Variants in USP34 observed in about 807,000 individuals in gnomAD.
USP34 encodes ubiquitin carboxyl-terminal hydrolase 34.
In USP34, 70 loss-of-function variants were observed where a neutral mutation model predicts 460.3. The ratio of observed to expected loss-of-function variants is 0.15; its 90% CI spans 0.13 to 0.19. The LOEUF is 0.19. Among genes scored for constraint, USP34 ranks in the 10% least tolerant of loss-of-function variants. The pLI is 1.00. For missense variants in USP34, 3,985 were observed against 4,236.2 expected (o/e 0.94, Z 1.65); for synonymous variants, 1,647 against 1,405.3 (o/e 1.17, Z -3.85).
At chr2:61,292,510 C>G (rs1689888996) in intron 33 of USP34, among the ~76,000 whole-genome samples, 1 of 152,136 alleles carries the variant, frequency 6.6e-6, no homozygotes, top group Admixed American at 6.5e-5. Flanking sequence ...TTTGGCTTCC[C>G]TGGCCACACT....
intron 41 of USP34, among the ~76,000 whole-genome samples, chr2:61,275,657 A>G (rs545952709): frequency 5.3e-5 from 8 of 152,104 alleles, no homozygotes; most frequent in African/African-American, 1.9e-4. Context: ...ACTGAATTTG[A>G]AAATATCTAA....
chr2:61,198,591 C>T (rs2103755946), intron 75 of USP34, among the ~76,000 whole-genome samples: 1 of 148,758 alleles, frequency 6.7e-6, no homozygotes, highest in East Asian at 2.0e-4. Context: ...GAGAAATAGG[C>T]TGGGTGCAGT....
chr2:61,446,841 T>G (rs1428410359), intron 1 of USP34, among the ~76,000 whole-genome samples: 1 of 150,666 alleles, frequency 6.6e-6, no homozygotes, highest in Non-Finnish European at 1.5e-5. Flanking sequence ...ACCCTCTGAG[T>G]AGATACTTTG....
At chr2:61,379,213 A>G (rs1228759630) in intron 7 of USP34, among the ~76,000 whole-genome samples, 2 of 152,184 alleles carry the variant, frequency 1.3e-5, no homozygotes, top group Non-Finnish European at 2.9e-5. Context: ...CTACCAAAAC[A>G]AAACAAAACA....
At chr2:61,439,076 G>C (rs999451135) in intron 1 of USP34, among the ~76,000 whole-genome samples, 1 of 152,110 alleles carries the variant, frequency 6.6e-6, no homozygotes, top group African/African-American at 2.4e-5. Flanking sequence ...ACAATAGCTA[G>C]GAAAAAAGTC....
rs761414589 is a variant in USP34, at chr2:61,300,962, C to G, written c.4117G>C (p.Asp1373His). The change falls in exon 29 of 80, where the codon GAT (aspartate) becomes CAT (histidine). Residue 1373 changes from aspartate to histidine, a missense_variant. Coordinates refer to ENST00000398571, the MANE Select transcript of USP34 (RefSeq NM_014709.4). ...FKPPSGKVAV[D>H]DSESLRCEEL... ...TGAAACATAGTCACCTCACTATCATCCACTGCCACTTTTCCTGAGGGTGGT... is the reference window on the plus strand; with the variant it reads ...TGAAACATAGTCACCTCACTATCATGCACTGCCACTTTTCCTGAGGGTGGT... 6 of 1,610,968 alleles carry G rather than the reference C, an allele frequency of 3.7e-6. No homozygotes were observed. Among genetic ancestry groups the G allele is most frequent in the African/African-American group, 1.3e-5 (1 of 74,818 alleles).
chr2:61,408,231 C>T (rs1693938467), intron 2 of USP34, among the ~76,000 whole-genome samples: 1 of 152,164 alleles, frequency 6.6e-6, no homozygotes, highest in Non-Finnish European at 1.5e-5. Flanking sequence ...TGACTATGAC[C>T]TGGCCAACAC....
chr2:61,194,341 A>G (rs909076334), intron 75 of USP34: 2 of 974,414 alleles, frequency 2.1e-6, no homozygotes, highest in Non-Finnish European at 2.4e-6. Flanking sequence ...AAACAAGGAC[A>G]TGTCATCACA....
At chr2:61,336,607 C>T (rs1487009429) in intron 18 of USP34, among the ~76,000 whole-genome samples, 5 of 151,168 alleles carry the variant, frequency 3.3e-5, no homozygotes, top group South Asian at 2.1e-4. Flanking sequence ...GTCGGGAGTT[C>T]GAGACCAGCC....
At chr2:61,399,465 G>A (rs1693643576) in intron 3 of USP34, among the ~76,000 whole-genome samples, 1 of 151,904 alleles carries the variant, frequency 6.6e-6, no homozygotes, top group African/African-American at 2.4e-5. Flanking sequence ...AATACATAAA[G>A]CTAGCATCCT....
intron 10 of USP34, among the ~76,000 whole-genome samples, chr2:61,364,220 A>T (rs1196315045): frequency 6.6e-6 from 1 of 152,168 alleles, no homozygotes; most frequent in Non-Finnish European, 1.5e-5. Flanking sequence ...AAAAAATACA[A>T]AAATTAGGTA....
chr2:61,312,547 T>C (rs1690627345), intron 25 of USP34, among the ~76,000 whole-genome samples: 1 of 150,190 alleles, frequency 6.7e-6, no homozygotes. Flanking sequence ...AATCAGCAAA[T>C]TTGGAATAGA....
rs80113996 is a variant in USP34, at chr2:61,324,762, C to A, written c.3013+613G>T. On this transcript the variant is annotated intron_variant, in intron 21 of 79. Coordinates refer to ENST00000398571, the MANE Select transcript of USP34 (RefSeq NM_014709.4). ...CTCCAGCCTGGGAGACAGTGTGAGACCATGTCTCAAAAAAGAAAGAGAAAA... is the reference window on the plus strand; with the variant it reads ...CTCCAGCCTGGGAGACAGTGTGAGAACATGTCTCAAAAAAGAAAGAGAAAA... Among the ~76,000 whole-genome samples the A allele has an allele frequency of 2.7e-3, 406 of 151,426 alleles. 2 individuals carry two copies. Among genetic ancestry groups the A allele is most frequent in the African/African-American group, 8.6e-3 (355 of 41,250 alleles).
chr2:61,236,101 T>G, intron 55 of USP34, 28 bp from the exon 56 acceptor site: 1 of 1,596,192 alleles, frequency 6.3e-7, no homozygotes, highest in Non-Finnish European at 8.5e-7. Flanking sequence ...GCAAAAAAGC[T>G]TCAATCATTT....
chr2:61,214,831 C>T, intron 67 of USP34, 137 bp from the exon 68 acceptor site: 1 of 1,009,118 alleles, frequency 9.9e-7, no homozygotes, highest in South Asian at 1.8e-5. Context: ...CTTTTAGTAT[C>T]TTTCTGCTTT....
chr2:61,281,013 G>C, intron 38 of USP34, 77 bp downstream of exon 38: 1 of 1,454,686 alleles, frequency 6.9e-7, no homozygotes, highest in Non-Finnish European at 9.3e-7. Flanking sequence ...AAAATTTTAA[G>C]GATATATTAC....
At chr2:61,271,980 T>C (rs991785236) in intron 41 of USP34, among the ~76,000 whole-genome samples, 3 of 152,216 alleles carry the variant, frequency 2.0e-5, no homozygotes, top group Non-Finnish European at 4.4e-5. Context: ...TACTTGGATA[T>C]CTAATTGACA....
chr2:61,405,593 G>C (rs966395693), intron 3 of USP34, 115 bp downstream of exon 3: 2 of 1,007,722 alleles, frequency 2.0e-6, no homozygotes, highest in South Asian at 2.1e-5. Flanking sequence ...AATAATTCTG[G>C]TGACAATAAT....
At position 61,292,354 on chromosome 2, in the gene USP34, T is replaced by C. The variant is rs117455284; in HGVS notation, c.4548+1110A>G. Among the ~76,000 whole-genome samples the C allele has an allele frequency of 3.5e-3, 531 of 152,304 alleles. 22 individuals are homozygous for C. In the East Asian group the frequency reaches 0.09, roughly 26 times the overall value. On this transcript the variant is annotated intron_variant, in intron 33 of 79. Transcript: ENST00000398571. ...AGTTGACCTGAAAGCAATTTCTATCTTAGACATGCTTTGCATCTTGGGCAT... is the reference window on the plus strand; with the variant it reads ...AGTTGACCTGAAAGCAATTTCTATCCTAGACATGCTTTGCATCTTGGGCAT...
Sources: gnomAD v4.1 joint callset for allele counts (sites outside exome capture counted in the v4.1 genomes callset) on GRCh38, gnomAD v4.1.1 for gene constraint, MANE v1.5 for transcripts, NCBI Gene and HGNC (gene_info 2026-07-23, HGNC 2026-07-21) for gene names.